EIF4G3: variants seen among roughly 807,000 people sequenced by gnomAD.
The protein encoded by EIF4G3 is eIF-4-gamma 3.
In EIF4G3, 34 loss-of-function variants were observed where a neutral mutation model predicts 186.4. The observed-to-expected ratio is 0.18, with a 90% CI of 0.14 to 0.24. The LOEUF is 0.24. Among genes scored for constraint, EIF4G3 ranks in the 10% least tolerant of loss-of-function variants. The pLI is 1.00. For missense variants in EIF4G3, 1,536 were observed against 1,948.5 expected (o/e 0.79, Z 3.99); for synonymous variants, 673 against 679.5 (o/e 0.99, Z 0.15).
intron 2 of EIF4G3, among the ~76,000 whole-genome samples, chr1:21,101,136 C>A (rs1038495412): frequency 6.6e-6 from 1 of 152,062 alleles, no homozygotes; most frequent in African/African-American, 2.4e-5. Flanking sequence ...CAAAGTTTAA[C>A]GGTAAAAATA....
rs138394672 is a variant in EIF4G3, at chr1:20,845,833, T to C, written c.3888+3582A>G. 1.3e-3 allele frequency among the ~76,000 whole-genome samples: 202 copies of C among 152,296 alleles called. 1 individual carries two copies. The highest frequency in any genetic ancestry group is 4.7e-3 in the African/African-American group (194 of 41,558). On this transcript the variant is annotated intron_variant, in intron 29 of 36. Transcript: ENST00000602326. ...ATTTTTAAATACTTTTTTCTAGTTC[T>C]TTGTAGAATGTCAGTGGGAGTTTAA...
At chr1:20,875,243 C>T (rs927524779) in intron 20 of EIF4G3, among the ~76,000 whole-genome samples, 2 of 152,198 alleles carry the variant, frequency 1.3e-5, no homozygotes, top group African/African-American at 4.8e-5. Flanking sequence ...CTCAGCTTTC[C>T]AAAGTGTTGA....
rs78255566 is a variant in EIF4G3 at position 21,037,819 on chromosome 1, A to G, written c.-67+13047T>C. On this transcript the variant is annotated intron_variant, in intron 4 of 36. Coordinates refer to ENST00000602326, the MANE Select transcript of EIF4G3 (RefSeq NM_001391906.1). The stretch of plus-strand genomic sequence containing the variant: ...ATAAAGTATCATTTGGGCAATATGT[A>G]TCAAAAGGCACTGTTCCTAATCGGC... 5.3e-5 allele frequency among the ~76,000 whole-genome samples: 8 copies of G among 152,238 alleles called. No homozygotes were observed. In the East Asian group the frequency reaches 1.5e-3, roughly 29 times the overall value.
chr1:20,827,679 G>T lies in EIF4G3; in HGVS notation c.4207C>A (p.Leu1403Ile). The T allele has an allele frequency of 1.2e-6, 2 of 1,611,624 alleles. No individual in the cohort carries two copies. The highest frequency in any genetic ancestry group is 1.3e-5 in the African/African-American group (1 of 74,984). Reference sequence around the variant, plus strand: ...AAGACCCCAGCTCTTCCAACAGGAAGTAAAGGTTTGCTAAATTCTCTGTAA... The same window carrying T: ...AAGACCCCAGCTCTTCCAACAGGAATTAAAGGTTTGCTAAATTCTCTGTAA... ...ELTIEFSKPLLPVGRAGVLLS... is the reference protein window; with the variant it reads ...ELTIEFSKPLIPVGRAGVLLS... The change falls in exon 32 of 37, where the codon CTT becomes ATT. Residue 1403 changes from leucine to isoleucine, a missense_variant. Transcript: ENST00000602326.
intron 2 of EIF4G3, among the ~76,000 whole-genome samples, chr1:21,158,207 A>C (rs1573522012): frequency 8.1e-6 from 1 of 123,208 alleles, no homozygotes. Context: ...GCAAGATCTC[A>C]CTCTGTCACC....
chr1:20,847,945 T>C (rs942218922), intron 29 of EIF4G3: 1 of 423,462 alleles, frequency 2.4e-6, no homozygotes, highest in African/African-American at 2.1e-5. Flanking sequence ...ATGATTACAC[T>C]GTTAAGAAAA....
intron 30 of EIF4G3, among the ~76,000 whole-genome samples, chr1:20,837,319 T>C (rs943811832): frequency 1.5e-4 from 23 of 152,032 alleles, no homozygotes; most frequent in Non-Finnish European, 2.2e-4. Context: ...AATTCTCCTG[T>C]CTCAGCCTCC....
At chr1:21,112,771 A>G (rs902901382) in intron 2 of EIF4G3, among the ~76,000 whole-genome samples, 2 of 152,208 alleles carry the variant, frequency 1.3e-5, no homozygotes, top group African/African-American at 2.4e-5. Flanking sequence ...ATTCTCAAAT[A>G]GAAAGCTTTT....
Position 20,941,744 on chromosome 1 carries a change from A to T in EIF4G3, c.1410T>A (p.Phe470Leu). 2 of 1,610,604 alleles carry T rather than the reference A, an allele frequency of 1.2e-6. No individual in the cohort carries two copies. The highest frequency in any genetic ancestry group is 1.7e-6 in the Non-Finnish European group (2 of 1,178,318). The change falls in exon 14 of 37, where the codon TTT becomes TTA. Residue 470 changes from phenylalanine (F) to leucine (L), a missense_variant. By Grantham distance (22) the Phe-to-Leu change is conservative. Coordinates refer to ENST00000602326, the MANE Select transcript of EIF4G3 (RefSeq NM_001391906.1). ...APITPSTVPSFPPTPPTPPAS... is the reference protein window; with the variant it reads ...APITPSTVPSLPPTPPTPPAS... Reference sequence around the variant, plus strand: ...CTGGAGGAGTTGGAGGAGTTGGAGGAAAGGAAGGAACTGTGGAAGGGGTGA... The same window carrying T: ...CTGGAGGAGTTGGAGGAGTTGGAGGTAAGGAAGGAACTGTGGAAGGGGTGA...
intron 3 of EIF4G3, among the ~76,000 whole-genome samples, chr1:21,077,157 G>C (rs2095613478): frequency 6.6e-6 from 1 of 152,162 alleles, no homozygotes; most frequent in South Asian, 2.1e-4. Context: ...CCCACTCTGG[G>C]AGGTCAAGAT....
At chr1:21,030,400 G>T (rs1473049549) in intron 4 of EIF4G3, among the ~76,000 whole-genome samples, 1 of 152,178 alleles carries the variant, frequency 6.6e-6, no homozygotes, top group Admixed American at 6.5e-5. Flanking sequence ...AATGGGAGTT[G>T]CCCTACACAA....
intron 30 of EIF4G3, among the ~76,000 whole-genome samples, chr1:20,835,836 T>C (rs554867004): frequency 6.6e-6 from 1 of 151,602 alleles, no homozygotes; most frequent in African/African-American, 2.4e-5. Context: ...ACTTGAGAGG[T>C]TGAGATGGGA....
chr1:21,054,341 G>GGAAGGCCT (rs1557735220), intron 3 of EIF4G3, among the ~76,000 whole-genome samples: 2 of 134,708 alleles, frequency 1.5e-5, no homozygotes, highest in Admixed American at 7.9e-5. Flanking sequence ...GCGGAAGGCC[G>GGAAGGCCT]CAGGGTCCTC....
chr1:21,012,868 T>C (rs2087604924), intron 4 of EIF4G3, among the ~76,000 whole-genome samples: 1 of 152,034 alleles, frequency 6.6e-6, no homozygotes, highest in Non-Finnish European at 1.5e-5. Context: ...CCGCTGTAAA[T>C]TCCACAAGAC....
At chr1:20,997,930 A>C (rs918531980) in intron 6 of EIF4G3, among the ~76,000 whole-genome samples, 14 of 152,080 alleles carry the variant, frequency 9.2e-5, no homozygotes, top group Admixed American at 2.0e-4. Context: ...AAAAAAAAAA[A>C]AACCCTAAAA....
chr1:20,886,140 A>G lies in EIF4G3; in HGVS notation c.2424+61T>C, dbSNP rs1199830965. The G allele has an allele frequency of 8.5e-6, 13 of 1,528,218 alleles. No individual in the cohort carries two copies. The East Asian group carries it at 1.8e-4, about 21-fold the overall frequency. The allele number at this position is 1,528,218 out of a possible 1,614,324, so 94.7% of individuals were successfully genotyped here. A position where few individuals can be genotyped will look rare whatever the true frequency, so the allele number is the denominator to read the frequency against. On this transcript the variant is annotated intron_variant, in intron 19 of 36. Coordinates refer to ENST00000602326, the MANE Select transcript of EIF4G3 (RefSeq NM_001391906.1). ...TCTCTAGAAACATTAGCAAAGCAAA[A>G]TAAGTTAAAACAAAATCAATATAAT...
chr1:20,954,018 C>T (rs903461578), intron 12 of EIF4G3, among the ~76,000 whole-genome samples: 1 of 152,020 alleles, frequency 6.6e-6, no homozygotes, highest in Admixed American at 6.5e-5. Flanking sequence ...TACTATCTGG[C>T]CCACTAGAGA....
chr1:20,970,430 G>A (rs533098392), intron 11 of EIF4G3, among the ~76,000 whole-genome samples: 3 of 151,094 alleles, frequency 2.0e-5, no homozygotes, highest in African/African-American at 7.3e-5. Flanking sequence ...TGGCTAACAC[G>A]ATGAAACTCC....
At chr1:21,166,096 G>A (rs2097850020) in intron 2 of EIF4G3, among the ~76,000 whole-genome samples, 3 of 149,640 alleles carry the variant, frequency 2.0e-5, no homozygotes, top group Non-Finnish European at 4.4e-5. Flanking sequence ...TCTAAACCCT[G>A]ACTATAGTCT....
Sources: gnomAD v4.1 joint callset for allele counts (sites outside exome capture counted in the v4.1 genomes callset) on GRCh38, gnomAD v4.1.1 for gene constraint, MANE v1.5 for transcripts, NCBI Gene and HGNC (gene_info 2026-07-23, HGNC 2026-07-21) for gene names.